The following VPS8 variants were observed in gnomAD, a reference collection of about 807,000 sequenced individuals.
VPS8 encodes VPS8 subunit of CORVET complex.
Under a neutral mutation model 216.4 loss-of-function variants are expected in VPS8, and 129 were observed. The observed-to-expected ratio is 0.60, with a 90% CI of 0.52 to 0.69. The LOEUF is 0.69. Ranked by LOEUF, VPS8 falls within the 30% of genes least tolerant of loss-of-function variation. The probability of loss-of-function intolerance (pLI) is 0.00; values close to 1 mark genes in which losing one functional copy is unlikely to be tolerated. For synonymous variants in VPS8, 571 were observed against 565.4 expected (o/e 1.01, Z -0.14); for missense variants, 1,531 against 1,683.5 (o/e 0.91, Z 1.59).
chr3:184,899,065 G>T lies in VPS8; in HGVS notation c.2094+411G>T, dbSNP rs568079508. Among the ~76,000 whole-genome samples, 17 of 152,170 alleles carry T rather than the reference G, an allele frequency of 1.1e-4. 1 individual carries two copies. In the South Asian group the frequency reaches 2.9e-3, roughly 26 times the overall value. ...TTGTAGATATATTCTGCTGGGGAAG[G>T]CTCCTGAAAATGGTAGGAGGCCATT... On this transcript the variant is annotated intron_variant, in intron 24 of 47. Coordinates refer to ENST00000625842, the MANE Select transcript of VPS8 (RefSeq NM_001009921.3).
At chr3:184,990,646 A>G (rs190819989) in intron 42 of VPS8, among the ~76,000 whole-genome samples, 1 of 152,314 alleles carries the variant, frequency 6.6e-6, no homozygotes, top group African/African-American at 2.4e-5. Context: ...CAGTTTTGAA[A>G]TGGGAACCAC....
chr3:185,011,593 C>G lies in VPS8; in HGVS notation c.4002+11732C>G, dbSNP rs529293369. ...CTAAAGAACTAAGCAGAGATTTCAG[C>G]AGCTGCCTGGTGCTGAGTTTTGAAT... On this transcript the variant is annotated intron_variant, in intron 45 of 47. Coordinates refer to ENST00000625842, the MANE Select transcript of VPS8 (RefSeq NM_001009921.3). 2.4e-4 allele frequency among the ~76,000 whole-genome samples: 36 copies of G among 152,310 alleles called. 1 individual carries two copies. Among genetic ancestry groups the G allele is most frequent in the African/African-American group, 8.2e-4 (34 of 41,572 alleles).
Position 184,859,996 on chromosome 3 carries a change from T to G in VPS8, c.1155T>G (p.Asp385Glu). ...DVVHFLLVKR[D>E]ESGAIHVTKQ... ...TATTTCATCATCAGGTAAAGAGAGA[T>G]GAATCTGGAGCAATACATGTTACTA... is the stretch of plus-strand genomic sequence containing the variant. The change falls in exon 15 of 48, where the codon GAT (aspartate) becomes GAG (glutamate). Residue 385 changes from aspartate to glutamate, a missense_variant. By Grantham distance (45) the Asp-to-Glu change is conservative (BLOSUM62 2). Transcript: ENST00000625842. 6.2e-7 allele frequency: 1 copy of G among 1,613,232 alleles called. No individual in the cohort carries two copies. The highest frequency in any genetic ancestry group is 8.5e-7 in the Non-Finnish European group (1 of 1,179,492).
intron 21 of VPS8, chr3:184,882,285 TATTGA>T (rs1730404797): frequency 2.4e-6 from 1 of 424,442 alleles, no homozygotes; most frequent in East Asian, 7.1e-5. Context: ...CATGAATGGA[TATTGA>T]ATTTTGTCAG....
intron 45 of VPS8, among the ~76,000 whole-genome samples, chr3:185,023,863 T>A (rs963670360): frequency 2.6e-5 from 4 of 152,188 alleles, no homozygotes; most frequent in South Asian, 2.1e-4. Context: ...TACTATTATC[T>A]TTTCTTCCTT....
At chr3:184,939,035 A>C (rs1742170150) in intron 35 of VPS8, among the ~76,000 whole-genome samples, 1 of 151,798 alleles carries the variant, frequency 6.6e-6, no homozygotes, top group East Asian at 1.9e-4. Flanking sequence ...GTCTCAAAAA[A>C]AAAAAAAAAA....
chr3:184,898,408 C>G (rs1733906931), intron 23 of VPS8, among the ~76,000 whole-genome samples, 157 bp from the exon 24 acceptor site: 1 of 152,172 alleles, frequency 6.6e-6, no homozygotes, highest in East Asian at 1.9e-4. Context: ...CAGCTCTTAC[C>G]CTTGCATTGT....
intron 22 of VPS8, among the ~76,000 whole-genome samples, chr3:184,890,138 T>A (rs1346157839): frequency 6.6e-6 from 1 of 152,242 alleles, no homozygotes; most frequent in African/African-American, 2.4e-5. Context: ...GTATTTTTTC[T>A]CCTTAAACTG....
chr3:184,991,862 A>T (rs1751944635), intron 42 of VPS8, among the ~76,000 whole-genome samples: 1 of 152,210 alleles, frequency 6.6e-6, no homozygotes, highest in Non-Finnish European at 1.5e-5. Context: ...CCTTTTGGAA[A>T]TGATTTCCAC....
rs1394686890 is a variant in VPS8, at chr3:184,839,485, G to A, written c.481-213G>A. On this transcript the variant is annotated intron_variant, in intron 6 of 47. Coordinates refer to ENST00000625842, the MANE Select transcript of VPS8 (RefSeq NM_001009921.3). ...ATGTTGAACATATGATATTTTGATA[G>A]TGTTACTCCTAGAGTAAATTTAGAG... 4.2e-5 allele frequency: 22 copies of A among 528,632 alleles called. No homozygotes were observed. In the East Asian group the frequency reaches 6.6e-4, roughly 16 times the overall value. The allele number at this position is 528,632 out of a possible 1,614,324, so 32.7% of individuals were successfully genotyped here. A position where few individuals can be genotyped will look rare whatever the true frequency, so the allele number is the denominator to read the frequency against.
chr3:185,031,902 G>C, intron 46 of VPS8, among the ~76,000 whole-genome samples: 1 of 152,132 alleles, frequency 6.6e-6, no homozygotes, highest in Non-Finnish European at 1.5e-5. Context: ...GATGGCTGAC[G>C]CCTGTAATCC....
chr3:184,911,986 G>A (rs936563112), intron 25 of VPS8, among the ~76,000 whole-genome samples: 2 of 152,112 alleles, frequency 1.3e-5, no homozygotes, highest in African/African-American at 2.4e-5. Flanking sequence ...TTAGAGCCCC[G>A]CACCTGGTAC....
chr3:184,912,909 G>A (rs1197339008), intron 25 of VPS8, among the ~76,000 whole-genome samples: 1 of 152,154 alleles, frequency 6.6e-6, no homozygotes, highest in African/African-American at 2.4e-5. Context: ...CCCTGTTGAT[G>A]CTCCTGCTCC....
intron 1 of VPS8, among the ~76,000 whole-genome samples, chr3:184,821,346 CTT>C (rs755440244): frequency 1.1e-4 from 16 of 143,956 alleles, no homozygotes; most frequent in Non-Finnish European, 9.2e-5. Flanking sequence ...TTCTTCTCTA[CTT>C]TTTTTTTTTT....
At chr3:185,018,738 T>G (rs1756196241) in intron 45 of VPS8, among the ~76,000 whole-genome samples, 1 of 152,222 alleles carries the variant, frequency 6.6e-6, no homozygotes, top group South Asian at 2.1e-4. Context: ...ACGGCTCAAA[T>G]GTAGCTATAA....
intron 46 of VPS8, among the ~76,000 whole-genome samples, chr3:185,036,351 C>T (rs1758881152): frequency 6.6e-6 from 1 of 152,164 alleles, no homozygotes; most frequent in Non-Finnish European, 1.5e-5. Context: ...ACATACCTGA[C>T]TTCAAACTAT....
intron 39 of VPS8, among the ~76,000 whole-genome samples, chr3:184,970,269 A>G (rs1254528652): frequency 1.3e-5 from 2 of 152,128 alleles, no homozygotes; most frequent in African/African-American, 4.8e-5. Flanking sequence ...AGGATTTGCT[A>G]ATTGTGCTTT....
At chr3:184,930,273 A>AT (rs1418897219) in intron 33 of VPS8, among the ~76,000 whole-genome samples, 197 bp from the exon 34 acceptor site, 2 of 152,118 alleles carry the variant, frequency 1.3e-5, no homozygotes, top group African/African-American at 4.8e-5. Flanking sequence ...ATTAGAACTG[A>AT]TTTTTTGCTT....
chr3:184,860,491 A>G (rs1370392367), intron 15 of VPS8, among the ~76,000 whole-genome samples: 1 of 151,830 alleles, frequency 6.6e-6, no homozygotes, highest in Admixed American at 6.6e-5. Context: ...ACACACACAC[A>G]CACACACACA....
Sources: gnomAD v4.1 joint callset for allele counts (sites outside exome capture counted in the v4.1 genomes callset) on GRCh38, gnomAD v4.1.1 for gene constraint, MANE v1.5 for transcripts, NCBI Gene and HGNC (gene_info 2026-07-23, HGNC 2026-07-21) for gene names.